SLC44A1: variants seen among roughly 807,000 people sequenced by gnomAD.
The protein encoded by SLC44A1 is solute carrier family 44 member 1.
SLC44A1 carries 26 observed loss-of-function variants against 79.3 expected under a neutral mutation model. That is an observed-to-expected ratio of 0.33 (90% CI 0.24 to 0.46). The LOEUF is 0.46. Among genes scored for constraint, SLC44A1 ranks in the 20% least tolerant of loss-of-function variants. The pLI, the probability that SLC44A1 is intolerant of heterozygous loss-of-function variation, is 1.00. For synonymous variants in SLC44A1, 263 were observed against 286.2 expected, an observed-to-expected ratio of 0.92 and a Z score of 0.82; for missense variants, 688 against 798.1, an observed-to-expected ratio of 0.86 and a Z score of 1.66.
intron 15 of SLC44A1, among the ~76,000 whole-genome samples, chr9:105,422,664 A>T (rs1240559923): frequency 1.3e-5 from 2 of 152,140 alleles, no homozygotes; most frequent in Non-Finnish European, 2.9e-5. Context: ...TGCTGTGGCC[A>T]TTTGGCTAAT....
downstream of SLC44A1, among the ~76,000 whole-genome samples, chr9:105,399,230 T>A (rs1828924687): frequency 6.6e-6 from 1 of 152,226 alleles, no homozygotes; most frequent in Non-Finnish European, 1.5e-5. Context: ...TTAGACCATT[T>A]CATGGGCTTA....
At chr9:105,289,220 C>T (rs1830546159) in intron 1 of SLC44A1, among the ~76,000 whole-genome samples, 1 of 152,160 alleles carries the variant, frequency 6.6e-6, no homozygotes, top group African/African-American at 2.4e-5. Flanking sequence ...TATGTGCTAA[C>T]TGCGGTAACT....
intron 1 of SLC44A1, among the ~76,000 whole-genome samples, chr9:105,263,798 A>C (rs753897476): frequency 5.9e-5 from 9 of 152,020 alleles, no homozygotes; most frequent in Non-Finnish European, 7.4e-5. Flanking sequence ...CAGCCTCCCA[A>C]AGTGCTGGGA....
chr9:105,287,477 G>T (rs550574694), intron 1 of SLC44A1, among the ~76,000 whole-genome samples: 240 of 152,240 alleles, frequency 1.6e-3, no homozygotes, highest in Non-Finnish European at 2.9e-3. Flanking sequence ...AATATGTACA[G>T]TATGGGAACA....
At chr9:105,327,347 A>G (rs983105635) in intron 3 of SLC44A1, among the ~76,000 whole-genome samples, 31 of 152,004 alleles carry the variant, frequency 2.0e-4, no homozygotes, top group African/African-American at 6.0e-4. Context: ...CAGTGGTGCA[A>G]TCTCAACTCA....
intron 3 of SLC44A1, among the ~76,000 whole-genome samples, chr9:105,323,595 TATC>T (rs1400515885): frequency 6.6e-6 from 1 of 152,194 alleles, no homozygotes; most frequent in Admixed American, 6.5e-5. Flanking sequence ...TCATCTTCAT[TATC>T]ATCATCTAAA....
At chr9:105,435,923 C>T (rs949806336) in intron 15 of SLC44A1, among the ~76,000 whole-genome samples, 15 of 152,330 alleles carry the variant, frequency 9.8e-5, no homozygotes, top group Middle Eastern at 6.8e-3. Flanking sequence ...TTTGGCTGGG[C>T]GTGGTGGCTC....
intron 15 of SLC44A1, among the ~76,000 whole-genome samples, chr9:105,405,189 C>T (rs888737503): frequency 2.6e-5 from 4 of 151,988 alleles, no homozygotes; most frequent in Middle Eastern, 3.4e-3. Flanking sequence ...GGTGTGATGG[C>T]GGGCACCTGC....
chr9:105,433,405 G>A (rs1249898424), intron 15 of SLC44A1, among the ~76,000 whole-genome samples: 1 of 152,124 alleles, frequency 6.6e-6, no homozygotes, highest in African/African-American at 2.4e-5. Context: ...TAGCCAAAAG[G>A]ATAGAGCATA....
rs1828793313 is a variant in SLC44A1 at position 105,392,689 on chromosome 9, A to G, written c.*3633A>G. 1 of 985,266 alleles carries G rather than the reference A, an allele frequency of 1.0e-6. No homozygotes were observed. The allele number at this position is 985,266 out of a possible 1,614,324, so 61.0% of individuals were successfully genotyped here. A position where few individuals can be genotyped will look rare whatever the true frequency, so the allele number is the denominator to read the frequency against. ...CATCACTGCCCCTGAGGCTTCAACT[A>G]TTTCCACCATGCACTATTACTAGCT... On this transcript the variant is annotated 3_prime_UTR_variant, in exon 16 of 16. Transcript: ENST00000374720.
chr9:105,414,256 T>C (rs927025003), intron 15 of SLC44A1, among the ~76,000 whole-genome samples: 17 of 152,030 alleles, frequency 1.1e-4, no homozygotes, highest in African/African-American at 4.1e-4. Context: ...GGGGTTTCAC[T>C]GTGTTAGCCA....
At chr9:105,296,878 T>A (rs1389677713) in intron 1 of SLC44A1, among the ~76,000 whole-genome samples, 1 of 152,214 alleles carries the variant, frequency 6.6e-6, no homozygotes, top group Admixed American at 6.5e-5. Flanking sequence ...AGTGCGTTCT[T>A]GATCATAGAT....
intron 1 of SLC44A1, among the ~76,000 whole-genome samples, chr9:105,285,193 A>G (rs1201687477): frequency 6.6e-6 from 1 of 152,202 alleles, no homozygotes; most frequent in Non-Finnish European, 1.5e-5. Context: ...TTTTAATAGC[A>G]AAGTAGCACT....
chr9:105,327,828 C>T (rs766443855), intron 3 of SLC44A1, among the ~76,000 whole-genome samples: 1 of 152,194 alleles, frequency 6.6e-6, no homozygotes, highest in Non-Finnish European at 1.5e-5. Flanking sequence ...GATGCCTCCT[C>T]TATAATCCTG....
intron 15 of SLC44A1, among the ~76,000 whole-genome samples, chr9:105,427,635 C>CT (rs1222839748): frequency 6.6e-6 from 1 of 152,030 alleles, no homozygotes; most frequent in Non-Finnish European, 1.5e-5. Context: ...TATTTATAAT[C>CT]TTTTTATTAT....
Position 105,359,245 on chromosome 9 carries a change from T to G in SLC44A1, c.760+812T>G, listed in dbSNP as rs569183905. Among the ~76,000 whole-genome samples, 7 of 152,198 alleles carry G rather than the reference T, an allele frequency of 4.6e-5. No individual in the cohort carries two copies. The South Asian group carries it at 1.0e-3, about 22-fold the overall frequency. On this transcript the variant is annotated intron_variant, in intron 7 of 15. Coordinates refer to ENST00000374720, the MANE Select transcript of SLC44A1 (RefSeq NM_080546.5). ...GTACAGAACTGCTAGTAAGGAAAAC[T>G]AAATCAGTTATTTGGAAATAAATTT...
At chr9:105,386,234 C>T (rs1269712460) in intron 15 of SLC44A1, 3 of 982,334 alleles carry the variant, frequency 3.1e-6, no homozygotes, top group Admixed American at 6.1e-5. Context: ...GAACCTTGAG[C>T]TGCTTTTCAC....
chr9:105,294,510 T>G (rs1830674281), intron 1 of SLC44A1, among the ~76,000 whole-genome samples: 1 of 152,126 alleles, frequency 6.6e-6, no homozygotes, highest in East Asian at 1.9e-4. Flanking sequence ...TTTTCTACTT[T>G]TCATAGTTTC....
At chr9:105,437,364 TATAG>T (rs902847562) in intron 15 of SLC44A1, among the ~76,000 whole-genome samples, 5 of 152,074 alleles carry the variant, frequency 3.3e-5, no homozygotes, top group Non-Finnish European at 5.9e-5. Context: ...TATAGATGTC[TATAG>T]ATATAGATAT....
Sources: allele counts gnomAD v4.1 joint callset (sites outside exome capture counted in the v4.1 genomes callset), GRCh38; gene constraint gnomAD v4.1.1; transcripts MANE v1.5; gene names NCBI Gene and HGNC (gene_info 2026-07-23, HGNC 2026-07-21).